ERBIN: variants seen among roughly 807,000 people sequenced by gnomAD.
ERBIN encodes the protein densin-180-like protein.
A neutral mutation model predicts 158.4 loss-of-function variants in ERBIN; 60 were observed. The ratio of observed to expected loss-of-function variants is 0.38; its 90% CI spans 0.31 to 0.47. The LOEUF (loss-of-function observed/expected upper bound fraction) is 0.47. Among genes scored for constraint, ERBIN ranks in the 20% least tolerant of loss-of-function variants. ERBIN has a pLI of 0.99. For synonymous variants in ERBIN, 594 were observed against 557.2 expected (o/e 1.07, Z -0.93); for missense variants, 1,610 against 1,648.0 (o/e 0.98, Z 0.40).
chr5:65,994,333 C>T (rs1209309464), intron 3 of ERBIN, among the ~76,000 whole-genome samples: 1 of 152,068 alleles, frequency 6.6e-6, no homozygotes, highest in Non-Finnish European at 1.5e-5. Flanking sequence ...TACAACAGTG[C>T]GAATAACTGA....
chr5:66,023,490 C>T (rs1204977556), intron 9 of ERBIN, 126 bp downstream of exon 9: 1 of 533,176 alleles, frequency 1.9e-6, no homozygotes, highest in Non-Finnish European at 3.2e-6. Context: ...TAAACAGAAG[C>T]AAATTACTTT....
At chr5:65,991,754 A>G (rs1751892083) in intron 2 of ERBIN, among the ~76,000 whole-genome samples, 1 of 152,200 alleles carries the variant, frequency 6.6e-6, no homozygotes, top group African/African-American at 2.4e-5. Flanking sequence ...ACTAATTCAG[A>G]ATTGGCCTTT....
intron 1 of ERBIN, among the ~76,000 whole-genome samples, chr5:65,927,068 A>G (rs545817290): frequency 6.8e-6 from 1 of 146,692 alleles, no homozygotes; most frequent in South Asian, 2.2e-4. Flanking sequence ...AAAAGTTTTT[A>G]GTAATCCGAA....
intron 1 of ERBIN, among the ~76,000 whole-genome samples, chr5:65,974,516 A>T (rs1457779995): frequency 2.0e-5 from 3 of 152,132 alleles, no homozygotes; most frequent in Admixed American, 6.5e-5. Flanking sequence ...GTTTAAGTAG[A>T]TTGATACCCT....
chr5:65,990,671 A>G (rs923119268), intron 2 of ERBIN, among the ~76,000 whole-genome samples: 1 of 149,628 alleles, frequency 6.7e-6, no homozygotes, highest in African/African-American at 2.5e-5. Flanking sequence ...AAAAAATTGT[A>G]GTGATGATGA....
At chr5:66,043,290 A>G (rs1195199651) in intron 16 of ERBIN, 92 bp downstream of exon 16, 39 of 1,292,250 alleles carry the variant, frequency 3.0e-5, no homozygotes, top group Non-Finnish European at 3.8e-5. Context: ...GGATATAACA[A>G]AGTATTGAAT....
intron 14 of ERBIN, among the ~76,000 whole-genome samples, chr5:66,032,347 G>A (rs1342049543): frequency 6.6e-6 from 1 of 152,166 alleles, no homozygotes; most frequent in African/African-American, 2.4e-5. Context: ...ATTCAAGCTA[G>A]TGGAAAATTG....
chr5:65,998,098 G>A (rs1371581860), intron 4 of ERBIN, among the ~76,000 whole-genome samples: 2 of 151,810 alleles, frequency 1.3e-5, no homozygotes, highest in South Asian at 2.1e-4. Context: ...GTGGTGGCAC[G>A]TGCCTGTAGT....
At chr5:65,975,280 T>C (rs1749728245) in intron 1 of ERBIN, among the ~76,000 whole-genome samples, 1 of 152,100 alleles carries the variant, frequency 6.6e-6, no homozygotes, top group Non-Finnish European at 1.5e-5. Flanking sequence ...AGTGCTGGGA[T>C]TACATGCGTG....
In ERBIN at chr5:66,043,207, GTTCTTTA is replaced by G. The variant is rs776818226; in HGVS notation, c.1428+17_1428+23del. ...GGGAGGCACCTCCCAGGGTGAGTCT[GTTCTTTA>G]TTCTTTAAAATTTGAAACAAGTCTG... is the stretch of plus-strand genomic sequence containing the variant. On this transcript the variant is annotated intron_variant, in intron 16 of 25. Coordinates refer to ENST00000284037, the MANE Select transcript of ERBIN (RefSeq NM_001253697.2). 4.3e-6 allele frequency: 7 copies of G among 1,609,910 alleles called. No individual in the cohort carries two copies. The East Asian group carries it at 1.3e-4, about 31-fold the overall frequency.
intron 25 of ERBIN, 24 bp from the exon 26 acceptor site, chr5:66,078,399 C>T (rs1455969758): frequency 1.0e-5 from 14 of 1,398,158 alleles, no homozygotes; most frequent in Non-Finnish European, 9.9e-6. Flanking sequence ...AATGTTTTTC[C>T]TAAAAGCATT....
intron 4 of ERBIN, among the ~76,000 whole-genome samples, chr5:66,007,061 A>G (rs1175490144): frequency 6.6e-6 from 1 of 151,490 alleles, no homozygotes; most frequent in Admixed American, 6.6e-5. Flanking sequence ...AGGATGATAA[A>G]TCATGCTGCT....
intron 1 of ERBIN, among the ~76,000 whole-genome samples, chr5:65,977,240 G>C (rs575617703): frequency 4.9e-5 from 7 of 144,220 alleles, no homozygotes; most frequent in Non-Finnish European, 7.5e-5. Flanking sequence ...CTGGCCGGGC[G>C]GGGGGCTGAC....
chr5:65,961,924 T>C (rs1030954241), intron 1 of ERBIN, among the ~76,000 whole-genome samples: 2 of 152,176 alleles, frequency 1.3e-5, no homozygotes, highest in African/African-American at 4.8e-5. Context: ...TGTATCTTTT[T>C]GGTGCTGCAG....
chr5:66,005,077 T>TC (rs200185929), intron 4 of ERBIN, among the ~76,000 whole-genome samples: 3,163 of 152,180 alleles, frequency 0.021, 112 homozygotes, highest in African/African-American at 0.071. Context: ...TTAAGTTTAA[T>TC]CTGTCTATAT....
At chr5:66,041,193 A>T (rs1757886778) in intron 15 of ERBIN, among the ~76,000 whole-genome samples, 1 of 152,032 alleles carries the variant, frequency 6.6e-6, no homozygotes, top group South Asian at 2.1e-4. Context: ...AGCAAAAGAA[A>T]GGTAGTTAAG....
chr5:66,067,803 C>G (rs1188599570), intron 21 of ERBIN, among the ~76,000 whole-genome samples: 1 of 152,048 alleles, frequency 6.6e-6, no homozygotes, highest in Non-Finnish European at 1.5e-5. Flanking sequence ...TGGTGAGACC[C>G]TGTCTACATG....
Position 66,072,184 on chromosome 5 carries a change from T to C in ERBIN, c.3649T>C (p.Ser1217Pro). The change falls in exon 22 of 26, where the codon TCC becomes CCC. Residue 1217 changes from serine to proline, a missense_variant. This residue lies in a region of ERBIN where 1,014 missense variants were observed against 936.1 expected (regional missense o/e 1.08). Coordinates refer to ENST00000284037, the MANE Select transcript of ERBIN (RefSeq NM_001253697.2). Reference protein sequence around the residue: ...KKLEKKHPQTSSSGDPCQDGI... With the variant: ...KKLEKKHPQTPSSGDPCQDGI... ...TGCTCATTAGAAGCATCCCCAGACA[T>C]CCAGTTCAGGAGATCCTTGTCAAGA... 1 of 1,550,018 alleles carries C rather than the reference T, an allele frequency of 6.5e-7. No homozygotes were observed. Among genetic ancestry groups the C allele is most frequent in the Non-Finnish European group, 8.7e-7 (1 of 1,146,712 alleles).
At chr5:66,023,976 C>T (rs758532886) in intron 9 of ERBIN, among the ~76,000 whole-genome samples, 20 of 152,168 alleles carry the variant, frequency 1.3e-4, no homozygotes, top group East Asian at 1.2e-3. Context: ...CGCGCCCAGC[C>T]GAACTTTCTG....
Sources: allele counts gnomAD v4.1 joint callset (sites outside exome capture counted in the v4.1 genomes callset), GRCh38; gene constraint gnomAD v4.1.1; regional missense constraint gnomAD v4.1.1; transcripts MANE v1.5; gene names NCBI Gene and HGNC (gene_info 2026-07-23, HGNC 2026-07-21).